Variants in TANC1 observed in about 807,000 individuals in gnomAD.
The protein encoded by TANC1 is tetratricopeptide repeat, ankyrin repeat and coiled-coil containing 1.
Under a neutral mutation model 149.7 loss-of-function variants are expected in TANC1, and 77 were observed. The ratio of observed to expected loss-of-function variants is 0.51; its 90% confidence interval spans 0.43 to 0.62. The LOEUF (loss-of-function observed/expected upper bound fraction) is 0.62. Ranked by LOEUF, TANC1 falls within the 20% of genes least tolerant of loss-of-function variation. TANC1 has a pLI of 0.00. For synonymous variants in TANC1, 854 were observed against 925.0 expected (o/e 0.92, Z 1.39); for missense variants, 1,985 against 2,321.8 (o/e 0.85, Z 2.98).
intron 2 of TANC1, among the ~76,000 whole-genome samples, chr2:159,019,191 T>G (rs559259115): frequency 5.8e-4 from 88 of 152,248 alleles, no homozygotes; most frequent in African/African-American, 2.0e-3. Flanking sequence ...GAGCCCAAGC[T>G]CCTTCGAGCA....
chr2:159,195,500 T>G (rs532516009), intron 17 of TANC1, among the ~76,000 whole-genome samples: 1 of 152,346 alleles, frequency 6.6e-6, no homozygotes, highest in Admixed American at 6.5e-5. Context: ...AGCATTTTTT[T>G]GGGAAATGTG....
intron 22 of TANC1, among the ~76,000 whole-genome samples, chr2:159,220,090 G>GA (rs2059602667): frequency 6.6e-6 from 1 of 150,906 alleles, no homozygotes; most frequent in Non-Finnish European, 1.5e-5. Context: ...TAAGATTTTA[G>GA]TCGACTCTTA....
chr2:158,995,213 T>A (rs1397011614), intron 1 of TANC1, among the ~76,000 whole-genome samples: 3 of 152,224 alleles, frequency 2.0e-5, no homozygotes, highest in Non-Finnish European at 4.4e-5. Context: ...TATTTACATA[T>A]GTGATCTAGT....
chr2:159,117,015 GGTGCAGA>G (rs1395195999), intron 4 of TANC1, among the ~76,000 whole-genome samples: 2 of 152,180 alleles, frequency 1.3e-5, no homozygotes, highest in Non-Finnish European at 2.9e-5. Flanking sequence ...ACTCTCGAAA[GGTGCAGA>G]TGGCACAGGA....
chr2:159,230,369 T>C lies in TANC1; in HGVS notation c.4943T>C (p.Leu1648Pro), dbSNP rs1214373543. ...GCAGCCCCTCCAAACCAAGGTGGGCTGGCGACCTGCAGCGACGTGCGACAC... is the reference window on the plus strand; with the variant it reads ...GCAGCCCCTCCAAACCAAGGTGGGCCGGCGACCTGCAGCGACGTGCGACAC... ...VDAAPPNQGG[L>P]ATCSDVRHPA... is the part of the protein sequence containing the mutation. Residue 1648 changes from leucine to proline, a missense_variant, in exon 27 of 27, where the codon CTG (leucine) becomes CCG (proline). By Grantham distance (98) the Leu-to-Pro change is moderately conservative (BLOSUM62 -3). This residue lies in a region of TANC1 where 920 missense variants were observed against 994.7 expected (regional missense o/e 0.92). Coordinates refer to ENST00000263635, the MANE Select transcript of TANC1 (RefSeq NM_033394.3). This position sits in a 1 kb window ranked among gnomAD's most constrained non-coding sequence, Gnocchi z 4.4. 1.2e-6 allele frequency: 2 copies of C among 1,614,150 alleles called. No individual in the cohort carries two copies. The highest frequency in any genetic ancestry group is 1.7e-6 in the Non-Finnish European group (2 of 1,180,034).
At chr2:159,037,595 G>C (rs1233690094) in intron 2 of TANC1, among the ~76,000 whole-genome samples, 5 of 152,082 alleles carry the variant, frequency 3.3e-5, no homozygotes, top group African/African-American at 4.8e-5. Context: ...TTCCCAGCAC[G>C]ATTTATCAAA....
At chr2:159,219,922 A>G in intron 22 of TANC1, 55 bp downstream of exon 22, 1 of 1,583,250 alleles carries the variant, frequency 6.3e-7, no homozygotes. Context: ...AAACCCCAGG[A>G]AGTGAACAGC....
At chr2:159,204,823 GCTA>G (rs2058493880) in intron 19 of TANC1, among the ~76,000 whole-genome samples, 1 of 152,224 alleles carries the variant, frequency 6.6e-6, no homozygotes, top group Admixed American at 6.5e-5. Context: ...TATTGTCAAA[GCTA>G]CTATTTGCCT....
intron 20 of TANC1, among the ~76,000 whole-genome samples, 198 bp downstream of exon 20, chr2:159,217,828 AG>A (rs915577849): frequency 1.3e-5 from 2 of 152,194 alleles, no homozygotes; most frequent in African/African-American, 4.8e-5. Flanking sequence ...CTGGGGAGCA[AG>A]GCTGCTCAAG....
At chr2:159,153,891 C>G (rs764221273) in intron 7 of TANC1, among the ~76,000 whole-genome samples, 1 of 152,110 alleles carries the variant, frequency 6.6e-6, no homozygotes, top group Non-Finnish European at 1.5e-5. Context: ...GTAAAGTATT[C>G]AAGAGCACCA....
intron 4 of TANC1, among the ~76,000 whole-genome samples, chr2:159,135,539 C>T (rs540834621): frequency 1.3e-5 from 2 of 152,336 alleles, no homozygotes; most frequent in African/African-American, 4.8e-5. Context: ...CGAAGAATTC[C>T]GGATTTTCTG....
At chr2:159,000,695 C>G (rs141342289) in intron 1 of TANC1, among the ~76,000 whole-genome samples, 1 of 151,790 alleles carries the variant, frequency 6.6e-6, no homozygotes, top group African/African-American at 2.4e-5. Context: ...AAGGGACATC[C>G]GAGAGCAAGG....
chr2:159,153,927 A>T (rs1367483208), intron 7 of TANC1, among the ~76,000 whole-genome samples: 1 of 152,236 alleles, frequency 6.6e-6, no homozygotes, highest in African/African-American at 2.4e-5. Context: ...GGAGATGAAG[A>T]TGAGATACCT....
chr2:159,136,958 T>A (rs189028783), intron 5 of TANC1, among the ~76,000 whole-genome samples: 1 of 152,362 alleles, frequency 6.6e-6, no homozygotes, highest in East Asian at 1.9e-4. Flanking sequence ...TCCTGTTTGT[T>A]CCTTTCTGGG....
At chr2:159,154,129 C>A (rs888504851) in intron 7 of TANC1, among the ~76,000 whole-genome samples, 2 of 152,176 alleles carry the variant, frequency 1.3e-5, no homozygotes, top group African/African-American at 4.8e-5. Flanking sequence ...TGGACTGTTA[C>A]AAAGTGCACA....
In TANC1 at chr2:159,203,209, C is replaced by CTTTTTTT. The variant is rs56319016; in HGVS notation, c.3244+4166_3244+4172dup. ...ATCTTATTCGATAGGCTTTTCTTTT[C>CTTTTTTT]TTTTTTTTTTTTTTTTGAGATGGAG... On this transcript the variant is annotated intron_variant, in intron 19 of 26. Transcript: ENST00000263635. Among the ~76,000 whole-genome samples the CTTTTTTT allele has an allele frequency of 3.9e-5, 4 of 101,666 alleles. 2 individuals carry two copies. The highest frequency in any genetic ancestry group is 9.5e-5 in the Non-Finnish European group (4 of 41,896). The allele number at this position is 101,666 out of a possible 152,430, so 66.7% of individuals were successfully genotyped here. A position where few individuals can be genotyped will look rare whatever the true frequency, so the allele number is the denominator to read the frequency against.
At chr2:159,090,958 C>T (rs1324959244) in intron 3 of TANC1, among the ~76,000 whole-genome samples, 10 of 151,966 alleles carry the variant, frequency 6.6e-5, no homozygotes, top group Non-Finnish European at 1.3e-4. Flanking sequence ...AAAAGGAGTG[C>T]TGCAGGAGTG....
At chr2:159,027,604 T>G (rs2039450748) in intron 2 of TANC1, among the ~76,000 whole-genome samples, 1 of 152,190 alleles carries the variant, frequency 6.6e-6, no homozygotes, top group African/African-American at 2.4e-5. Flanking sequence ...AATGCTCCAC[T>G]TATAGCAATT....
intron 3 of TANC1, among the ~76,000 whole-genome samples, chr2:159,077,577 A>G (rs1466914110): frequency 6.6e-6 from 1 of 152,192 alleles, no homozygotes; most frequent in African/African-American, 2.4e-5. Flanking sequence ...CCCCACATGG[A>G]CTTTATAATA....
Sources: allele counts gnomAD v4.1 joint callset (sites outside exome capture counted in the v4.1 genomes callset), GRCh38; gene constraint gnomAD v4.1.1; regional missense constraint gnomAD v4.1.1; non-coding constraint Gnocchi (gnomAD v3.1); transcripts MANE v1.5; gene names NCBI Gene and HGNC (gene_info 2026-07-23, HGNC 2026-07-21).